Variants in GATAD2B observed in about 807,000 individuals in gnomAD.
GATAD2B encodes the protein transcriptional repressor p66-beta.
A neutral mutation model predicts 64.3 loss-of-function variants in GATAD2B; 8 were observed. That is an observed-to-expected ratio of 0.12 (90% CI 0.07 to 0.22). GATAD2B has a LOEUF of 0.22. Among genes scored for constraint, GATAD2B ranks in the 10% least tolerant of loss-of-function variants. The probability of loss-of-function intolerance (pLI) is 1.00; values close to 1 mark genes in which losing one functional copy is unlikely to be tolerated. For synonymous variants in GATAD2B, 281 were observed against 271.3 expected, an observed-to-expected ratio of 1.04 and a Z score of -0.35; for missense variants, 453 against 752.0, an observed-to-expected ratio of 0.60 and a Z score of 4.65.
chr1:153,824,477 A>C (rs1173618082), intron 2 of GATAD2B, among the ~76,000 whole-genome samples: 2 of 151,820 alleles, frequency 1.3e-5, no homozygotes, highest in South Asian at 2.1e-4. Flanking sequence ...AAATACAAAA[A>C]TTAGCCAGCA....
At chr1:153,875,966 T>C (rs1217056871) in intron 1 of GATAD2B, among the ~76,000 whole-genome samples, 3 of 151,910 alleles carry the variant, frequency 2.0e-5, no homozygotes, top group African/African-American at 7.2e-5. Flanking sequence ...CAGTGGCTCA[T>C]GCCTGTAATC....
chr1:153,866,355 CAAAT>C (rs1405728651), intron 1 of GATAD2B, among the ~76,000 whole-genome samples: 1 of 152,074 alleles, frequency 6.6e-6, no homozygotes, highest in Non-Finnish European at 1.5e-5. Flanking sequence ...AATAATGATC[CAAAT>C]AAATTATTTC....
In GATAD2B at chr1:153,874,572, G is replaced by T. The variant is rs1000642508; in HGVS notation, c.-1-46224C>A. Among the ~76,000 whole-genome samples, 26 of 151,712 alleles carry T rather than the reference G, an allele frequency of 1.7e-4. No homozygotes were observed. The East Asian group carries it at 1.9e-3, about 11-fold the overall frequency. On this transcript the variant is annotated intron_variant, in intron 1 of 10. Coordinates refer to ENST00000368655, the MANE Select transcript of GATAD2B (RefSeq NM_020699.4). ...AAATTTTTATTTATCTATTTTTGGG[G>T]TTTTTTTGTTGTTTTTGTTTTTGAG... is the stretch of plus-strand genomic sequence containing the variant.
At chr1:153,858,483 C>T (rs187608664) in intron 1 of GATAD2B, among the ~76,000 whole-genome samples, 3 of 152,008 alleles carry the variant, frequency 2.0e-5, no homozygotes, top group African/African-American at 7.2e-5. Flanking sequence ...CATGCACCTG[C>T]GGTCCCAGCT....
At chr1:153,817,969 C>T (rs1015863351) in intron 5 of GATAD2B, 71 bp downstream of exon 5, 76 of 1,386,946 alleles carry the variant, frequency 5.5e-5, no homozygotes, top group Non-Finnish European at 6.9e-5. Flanking sequence ...ATAATCTTCA[C>T]AAAAGCCCAA....
intron 1 of GATAD2B, among the ~76,000 whole-genome samples, chr1:153,901,857 T>TAAATAAATAAATAAATA (rs1553198702): frequency 1.4e-5 from 2 of 146,388 alleles, no homozygotes; most frequent in Non-Finnish European, 3.0e-5. Flanking sequence ...ATAAATAAAT[T>TAAATAAATAAATAAATA]AAATAAAATG....
intron 1 of GATAD2B, among the ~76,000 whole-genome samples, chr1:153,831,950 C>G (rs1205595119): frequency 6.6e-6 from 1 of 152,238 alleles, no homozygotes; most frequent in Non-Finnish European, 1.5e-5. Flanking sequence ...CACAGTGGCT[C>G]ACGCCTGTAA....
At chr1:153,891,893 G>A (rs561697751) in intron 1 of GATAD2B, among the ~76,000 whole-genome samples, 41 of 152,166 alleles carry the variant, frequency 2.7e-4, no homozygotes, top group African/African-American at 9.1e-4. Context: ...GCCGGGTGCA[G>A]TGGCTCATGC....
At chr1:153,815,280 C>CAA (rs1159204191) in intron 7 of GATAD2B, among the ~76,000 whole-genome samples, 13,686 of 65,560 alleles carry the variant, frequency 0.21, 2,129 homozygotes, top group Non-Finnish European at 0.26. Flanking sequence ...CTCAAAAAAA[C>CAA]AAAAAAAAAA....
chr1:153,811,704 A>C, intron 10 of GATAD2B, 27 bp downstream of exon 10: 1 of 1,377,974 alleles, frequency 7.3e-7, no homozygotes, highest in Non-Finnish European at 1.0e-6. Context: ...GACCCATGAG[A>C]AACATTTTCA....
At chr1:153,862,219 T>C (rs1261008016) in intron 1 of GATAD2B, among the ~76,000 whole-genome samples, 3 of 148,042 alleles carry the variant, frequency 2.0e-5, no homozygotes, top group African/African-American at 7.5e-5. Flanking sequence ...ACCTCCCAGG[T>C]TCAAGCAATT....
chr1:153,819,512 A>G, intron 3 of GATAD2B, 94 bp downstream of exon 3: 1 of 903,134 alleles, frequency 1.1e-6, no homozygotes, highest in Non-Finnish European at 1.7e-6. Flanking sequence ...ATATCCAAAG[A>G]GTAAATAGTC....
intron 2 of GATAD2B, among the ~76,000 whole-genome samples, chr1:153,823,970 T>A (rs2101887571): frequency 6.6e-6 from 1 of 152,134 alleles, no homozygotes; most frequent in East Asian, 1.9e-4. Context: ...CCTCAGATGA[T>A]CCTCCCGCCT....
chr1:153,910,344 A>C (rs1013344141), intron 1 of GATAD2B, among the ~76,000 whole-genome samples: 2 of 152,224 alleles, frequency 1.3e-5, no homozygotes, highest in Non-Finnish European at 2.9e-5. Context: ...GGTGATACAC[A>C]TTCAGTAGAA....
intron 2 of GATAD2B, 135 bp from the exon 3 acceptor site, chr1:153,819,870 G>A (rs1293142058): frequency 2.4e-5 from 14 of 591,800 alleles, no homozygotes; most frequent in Non-Finnish European, 3.6e-5. Context: ...AGACCGAGGC[G>A]GGTGGAACAC....
chr1:153,823,159 T>C (rs912628982), intron 2 of GATAD2B, among the ~76,000 whole-genome samples: 1 of 152,220 alleles, frequency 6.6e-6, no homozygotes, highest in Non-Finnish European at 1.5e-5. Flanking sequence ...AGAGAAATTA[T>C]TTTGCTCTTT....
In GATAD2B at chr1:153,828,083, T is replaced by C. The variant is rs758735571; in HGVS notation, c.265A>G (p.Asn89Asp). The change falls in exon 2 of 11, where the codon AAC becomes GAC. Residue 89 changes from asparagine (N) to aspartate (D), a missense_variant. By Grantham distance (23) the Asn-to-Asp change is conservative. Transcript: ENST00000368655. ...TTGCCTGGCCTTCCAGCAGTCCTGT[T>C]GTCTCCATGAGGCCTGAGATTCCCG... ...LNGNLRPHGD[N>D]RTAGRPGKEN... The C allele has an allele frequency of 4.3e-6, 7 of 1,614,100 alleles. No individual in the cohort carries two copies. The highest frequency in any genetic ancestry group is 5.9e-6 in the Non-Finnish European group (7 of 1,180,052).
chr1:153,886,577 G>T (rs1677191465), intron 1 of GATAD2B: 1 of 147,544 alleles, frequency 6.8e-6, no homozygotes, highest in African/African-American at 2.5e-5. Context: ...GCCCAGGCTG[G>T]AGTGCAGTGG....
intron 1 of GATAD2B, among the ~76,000 whole-genome samples, chr1:153,831,152 C>T (rs1285136147): frequency 6.6e-6 from 1 of 152,072 alleles, no homozygotes; most frequent in East Asian, 1.9e-4. Flanking sequence ...CTTTAGCAGC[C>T]ATAAAAAAAG....
Sources: gnomAD v4.1 joint callset for allele counts (sites outside exome capture counted in the v4.1 genomes callset) on GRCh38, gnomAD v4.1.1 for gene constraint, MANE v1.5 for transcripts, NCBI Gene and HGNC (gene_info 2026-07-23, HGNC 2026-07-21) for gene names.